The following RMDN2 variants were observed in gnomAD, a reference collection of about 807,000 sequenced individuals.
RMDN2 encodes the protein regulator of microtubule dynamics 2.
RMDN2 carries 61 observed loss-of-function variants against 52.8 expected under a neutral mutation model. The observed-to-expected ratio is 1.16, with a 90% CI of 0.94 to 1.43. The LOEUF is 1.43. RMDN2 is among the 40% of genes most tolerant of loss of function. RMDN2 has a pLI of 0.00. For missense variants in RMDN2, 592 were observed against 475.3 expected, an observed-to-expected ratio of 1.25 and a Z score of -2.28; for synonymous variants, 180 against 153.1, an observed-to-expected ratio of 1.18 and a Z score of -1.30.
At chr2:38,010,672 G>A (rs1321361415) in intron 10 of RMDN2, among the ~76,000 whole-genome samples, 2 of 152,202 alleles carry the variant, frequency 1.3e-5, no homozygotes, top group Non-Finnish European at 2.9e-5. Context: ...GTGAGGCAAT[G>A]TCTTGCCCAG....
chr2:37,940,760 C>T (rs796588115), intron 2 of RMDN2, among the ~76,000 whole-genome samples: 62 of 152,290 alleles, frequency 4.1e-4, no homozygotes, highest in African/African-American at 1.4e-3. Context: ...ATGTTCTTCT[C>T]TAAACTTGTT....
At chr2:37,976,900 GA>G (rs1385993804) in intron 4 of RMDN2, among the ~76,000 whole-genome samples, 1 of 151,486 alleles carries the variant, frequency 6.6e-6, no homozygotes, top group East Asian at 1.9e-4. Context: ...CGGAGAGGGG[GA>G]TTTGGCAGGG....
intron 10 of RMDN2, among the ~76,000 whole-genome samples, chr2:38,045,103 TAA>T (rs1489973424): frequency 2.6e-5 from 4 of 152,216 alleles, no homozygotes; most frequent in African/African-American, 9.6e-5. Flanking sequence ...GTTAATTTAT[TAA>T]AAGAGAAAGA....
chr2:37,926,452 T>C (rs1359348062), intron 1 of RMDN2, among the ~76,000 whole-genome samples: 1 of 152,016 alleles, frequency 6.6e-6, no homozygotes, highest in Non-Finnish European at 1.5e-5. Flanking sequence ...TAATACACAT[T>C]AATTAAGTGC....
At chr2:38,044,182 G>C (rs1681129788) in intron 10 of RMDN2, among the ~76,000 whole-genome samples, 1 of 151,752 alleles carries the variant, frequency 6.6e-6, no homozygotes, top group Non-Finnish European at 1.5e-5. Context: ...TAAATTTGTA[G>C]TTTTTCTTTT....
chr2:38,017,552 A>T lies in RMDN2; in HGVS notation c.*313A>T, dbSNP rs1345767185. 8.6e-7 allele frequency: 1 copy of T among 1,160,424 alleles called. No individual in the cohort carries two copies. The highest frequency in any genetic ancestry group is 5.5e-5 in the East Asian group (1 of 18,130). The allele number at this position is 1,160,424 out of a possible 1,614,324, so 71.9% of individuals were successfully genotyped here. On this transcript the variant is annotated 3_prime_UTR_variant, in exon 11 of 11. Coordinates refer to ENST00000354545, the MANE Select transcript of RMDN2 (RefSeq NM_001170791.3). ...TTTAAATCCAATAAAATGAATTCTC[A>T]TGAATATTTTATTGTTTCAATGGAG...
intron 4 of RMDN2, among the ~76,000 whole-genome samples, chr2:37,977,925 C>T (rs1046349567): frequency 5.1e-4 from 77 of 152,160 alleles, no homozygotes; most frequent in African/African-American, 1.6e-3. Flanking sequence ...GGGTGGCGGC[C>T]GGGCAGAGGC....
intron 2 of RMDN2, among the ~76,000 whole-genome samples, chr2:37,958,610 G>T (rs993582602): frequency 1.3e-5 from 2 of 150,670 alleles, no homozygotes; most frequent in African/African-American, 5.0e-5. Flanking sequence ...TCCTCTCTTT[G>T]TATTTGAGTA....
At chr2:38,009,108 C>G (rs902592446) in intron 10 of RMDN2, among the ~76,000 whole-genome samples, 4 of 152,160 alleles carry the variant, frequency 2.6e-5, no homozygotes. Context: ...TTATGGGTAA[C>G]CCGTCCTTTC....
intron 10 of RMDN2, among the ~76,000 whole-genome samples, chr2:38,012,024 G>T (rs966918894): frequency 3.3e-5 from 5 of 152,110 alleles, no homozygotes; most frequent in Non-Finnish European, 7.4e-5. Flanking sequence ...GCTGGGATGA[G>T]GGTCAGAATT....
At chr2:38,035,086 G>A (rs950802081) in intron 10 of RMDN2, among the ~76,000 whole-genome samples, 3 of 152,096 alleles carry the variant, frequency 2.0e-5, no homozygotes, top group African/African-American at 4.8e-5. Context: ...ATAAATTCAC[G>A]TGTGAAAAAC....
At chr2:37,959,828 C>G (rs1449737584) in intron 2 of RMDN2, among the ~76,000 whole-genome samples, 1 of 150,804 alleles carries the variant, frequency 6.6e-6, no homozygotes, top group African/African-American at 2.5e-5. Context: ...TAGCTGTGCC[C>G]CAGAGATTCT....
intron 10 of RMDN2, among the ~76,000 whole-genome samples, chr2:38,004,699 T>C (rs1016783275): frequency 1.3e-4 from 20 of 152,104 alleles, no homozygotes; most frequent in African/African-American, 4.6e-4. Flanking sequence ...TTCTTTCTTT[T>C]TTTTTTTATT....
At chr2:37,947,613 G>A (rs970924396) in intron 2 of RMDN2, among the ~76,000 whole-genome samples, 1 of 152,104 alleles carries the variant, frequency 6.6e-6, no homozygotes, top group Non-Finnish European at 1.5e-5. Context: ...TGCTGTTACT[G>A]TCCACAATCA....
chr2:37,937,649 A>G (rs1338675741), intron 2 of RMDN2, among the ~76,000 whole-genome samples: 1 of 151,950 alleles, frequency 6.6e-6, no homozygotes, highest in African/African-American at 2.4e-5. Flanking sequence ...ATTTTATTCT[A>G]TCTGTAGCAA....
chr2:37,959,630 T>C (rs996294677), intron 2 of RMDN2, among the ~76,000 whole-genome samples: 1 of 150,996 alleles, frequency 6.6e-6, no homozygotes, highest in Non-Finnish European at 1.5e-5. Context: ...TTTGAAGGGT[T>C]TTTCGTGTCT....
intron 2 of RMDN2, among the ~76,000 whole-genome samples, chr2:37,954,083 A>G (rs1485215238): frequency 6.6e-6 from 1 of 151,704 alleles, no homozygotes; most frequent in African/African-American, 2.4e-5. Context: ...AGTTCTTTAT[A>G]TATTTTGGAT....
intron 2 of RMDN2, among the ~76,000 whole-genome samples, chr2:37,939,888 G>T (rs563614867): frequency 3.9e-5 from 6 of 152,186 alleles, no homozygotes; most frequent in African/African-American, 1.4e-4. Flanking sequence ...TACATTTAAG[G>T]TTAATATTGT....
chr2:38,057,724 C>T (rs967229959), intron 10 of RMDN2, among the ~76,000 whole-genome samples: 2 of 152,114 alleles, frequency 1.3e-5, no homozygotes, highest in Non-Finnish European at 2.9e-5. Flanking sequence ...AGTACCATCC[C>T]CCTTGGTACT....
Sources: gnomAD v4.1 joint callset for allele counts (sites outside exome capture counted in the v4.1 genomes callset) on GRCh38, gnomAD v4.1.1 for gene constraint, MANE v1.5 for transcripts, NCBI Gene and HGNC (gene_info 2026-07-23, HGNC 2026-07-21) for gene names.